LDLRAD4: variants seen among roughly 807,000 people sequenced by gnomAD.
LDLRAD4 encodes the protein low-density lipoprotein receptor class A domain-containing protein 4.
Under a neutral mutation model 17.0 loss-of-function variants are expected in LDLRAD4, and 5 were observed. The observed-to-expected ratio is 0.29, with a 90% CI of 0.15 to 0.62. The LOEUF is 0.62. Ranked by LOEUF, LDLRAD4 falls within the 20% of genes least tolerant of loss-of-function variation. The pLI, the probability that LDLRAD4 is intolerant of heterozygous loss-of-function variation, is 0.84. For synonymous variants in LDLRAD4, 168 were observed against 171.8 expected (o/e 0.98, Z 0.17); for missense variants, 340 against 424.7 (o/e 0.80, Z 1.75).
intron 2 of LDLRAD4, among the ~76,000 whole-genome samples, chr18:13,407,413 T>C (rs893301998): frequency 1.3e-5 from 2 of 152,262 alleles, no homozygotes; most frequent in African/African-American, 4.8e-5. Flanking sequence ...GCTTAGGCGC[T>C]ATGTTAGCAC....
chr18:13,472,466 CA>C (rs148976753), intron 3 of LDLRAD4: 24 of 152,318 alleles, frequency 1.6e-4, no homozygotes, highest in African/African-American at 5.8e-4. Context: ...CATTAGAATA[CA>C]AACAAAGGGG....
chr18:13,502,194 A>C (rs1568265621), intron 3 of LDLRAD4, among the ~76,000 whole-genome samples: 2 of 152,290 alleles, frequency 1.3e-5, no homozygotes, highest in East Asian at 1.9e-4. Flanking sequence ...TCCTGACTTA[A>C]AGTTACGTGT....
intron 3 of LDLRAD4, among the ~76,000 whole-genome samples, chr18:13,609,307 C>A (rs919131436): frequency 6.6e-6 from 1 of 152,216 alleles, no homozygotes; most frequent in Non-Finnish European, 1.5e-5. Flanking sequence ...AACCCTGAGT[C>A]ACGACTTGAC....
intron 3 of LDLRAD4, among the ~76,000 whole-genome samples, chr18:13,583,286 T>C (rs1197202903): frequency 2.6e-5 from 4 of 152,180 alleles, no homozygotes; most frequent in Non-Finnish European, 5.9e-5. Context: ...CACTGTGAAA[T>C]TGTTAGGGCA....
chr18:13,226,180 C>CTTTTTTTTTTGTTTTTTTTTTT (rs2041784788), intron 1 of LDLRAD4, among the ~76,000 whole-genome samples: 1 of 52,188 alleles, frequency 1.9e-5, no homozygotes, highest in Non-Finnish European at 3.3e-5. Flanking sequence ...CCATGCCTTG[C>CTTTTTTTTTTGTTTTTTTTTTT]TTTTTTTTTT....
At chr18:13,642,105 C>T in intron 4 of LDLRAD4, 3 of 985,522 alleles carry the variant, frequency 3.0e-6, no homozygotes, top group Non-Finnish European at 3.6e-6. Context: ...GCCCACCCTT[C>T]GTCTCCGAGC....
upstream of LDLRAD4, among the ~76,000 whole-genome samples, chr18:13,218,531 G>A (rs1157257130): frequency 6.6e-6 from 1 of 152,204 alleles, no homozygotes; most frequent in African/African-American, 2.4e-5. Flanking sequence ...GGCAGGGACT[G>A]GAGGTCAGCG....
chr18:13,418,418 C>A (rs2089134321), intron 2 of LDLRAD4, among the ~76,000 whole-genome samples: 1 of 152,244 alleles, frequency 6.6e-6, no homozygotes, highest in Non-Finnish European at 1.5e-5. Context: ...CAAGCCTCTT[C>A]CGGGTCGTTC....
chr18:13,608,393 C>G (rs2095245442), intron 3 of LDLRAD4, among the ~76,000 whole-genome samples: 1 of 152,066 alleles, frequency 6.6e-6, no homozygotes, highest in South Asian at 2.1e-4. Flanking sequence ...GGGGTGAGAG[C>G]TGGGGCTGGG....
At chr18:13,559,321 A>G (rs915677909) in intron 3 of LDLRAD4, among the ~76,000 whole-genome samples, 1 of 152,220 alleles carries the variant, frequency 6.6e-6, no homozygotes, top group Admixed American at 6.5e-5. Flanking sequence ...AACAAATGAG[A>G]TAAATCCCAG....
chr18:13,563,319 G>A (rs2094560507), intron 3 of LDLRAD4, among the ~76,000 whole-genome samples: 1 of 152,168 alleles, frequency 6.6e-6, no homozygotes, highest in African/African-American at 2.4e-5. Flanking sequence ...ATGGATGGTA[G>A]GATTCCAGAC....
chr18:13,431,479 GT>G (rs1407023625), intron 2 of LDLRAD4, among the ~76,000 whole-genome samples: 1 of 152,226 alleles, frequency 6.6e-6, no homozygotes, highest in Admixed American at 6.5e-5. Context: ...GCCAGGTGGT[GT>G]TTTGATGGAA....
intron 3 of LDLRAD4, among the ~76,000 whole-genome samples, chr18:13,603,827 A>G (rs1012004513): frequency 1.3e-5 from 2 of 152,242 alleles, no homozygotes; most frequent in African/African-American, 4.8e-5. Context: ...GATGTGAAGC[A>G]GGGACAGCAG....
intron 1 of LDLRAD4, among the ~76,000 whole-genome samples, chr18:13,249,467 G>T (rs1276755096): frequency 6.6e-6 from 1 of 151,954 alleles, no homozygotes; most frequent in Non-Finnish European, 1.5e-5. Flanking sequence ...CCTCATTGTG[G>T]TTTTGATTTG....
intron 3 of LDLRAD4, among the ~76,000 whole-genome samples, chr18:13,563,977 C>T (rs917528600): frequency 1.3e-5 from 2 of 152,182 alleles, no homozygotes. Context: ...ATAATTATAG[C>T]TCACTGCAGC....
At chr18:13,386,891 C>CATAGATAG (rs71174169) in intron 1 of LDLRAD4, among the ~76,000 whole-genome samples, 70 of 146,910 alleles carry the variant, frequency 4.8e-4, no homozygotes, top group East Asian at 6.4e-4. Context: ...CCCTGTCATT[C>CATAGATAG]ATAGATAGAT....
chr18:13,336,167 AGGGAG>A (rs1180271976), intron 1 of LDLRAD4, among the ~76,000 whole-genome samples: 1 of 152,218 alleles, frequency 6.6e-6, no homozygotes, highest in Non-Finnish European at 1.5e-5. Context: ...CTCACTCACT[AGGGAG>A]GGCATTAATC....
chr18:13,324,384 C>T lies in LDLRAD4; in HGVS notation c.-383+46196C>T, dbSNP rs149151741. Among the ~76,000 whole-genome samples the T allele has an allele frequency of 1.7e-3, 252 of 152,046 alleles. 2 individuals are homozygous for T. The highest frequency in any genetic ancestry group is 5.8e-3 in the African/African-American group (241 of 41,488). On this transcript the variant is annotated intron_variant, in intron 1 of 5. Coordinates refer to ENST00000359446, the Ensembl canonical transcript of LDLRAD4. ...GTCTCCATCTCCTGACTTTGTGATC[C>T]GCCTGCCTTGGCCTCCCAAAGTGCT...
At position 13,450,446 on chromosome 18, in the gene LDLRAD4, A is replaced by G. The variant is rs538153368; in HGVS notation, c.181+12062A>G. ...AGGGGGCTGGAGGGTGTTATAGAGA[A>G]AACATGTTTGGGGTAGTCACTTGTG... is the stretch of plus-strand genomic sequence containing the variant. On this transcript the variant is annotated intron_variant, in intron 3 of 5. Coordinates refer to ENST00000359446, the Ensembl canonical transcript of LDLRAD4. Among the ~76,000 whole-genome samples, 278 of 152,138 alleles carry G rather than the reference A, an allele frequency of 1.8e-3. 2 individuals carry two copies. Among genetic ancestry groups the G allele is most frequent in the African/African-American group, 6.4e-3 (267 of 41,512 alleles).
Sources: gnomAD v4.1 joint callset for allele counts (sites outside exome capture counted in the v4.1 genomes callset) on GRCh38, gnomAD v4.1.1 for gene constraint, MANE v1.5 for transcripts, NCBI Gene and HGNC (gene_info 2026-07-23, HGNC 2026-07-21) for gene names.